Variants in PREX1 observed in about 807,000 individuals in gnomAD.
The protein encoded by PREX1 is phosphatidylinositol-3,4,5-trisphosphate dependent Rac exchange factor 1.
PREX1 carries 41 observed loss-of-function variants against 198.3 expected under a neutral mutation model. The ratio of observed to expected loss-of-function variants is 0.21; its 90% CI spans 0.16 to 0.27. The LOEUF is 0.27. Ranked by LOEUF, PREX1 falls within the 10% of genes least tolerant of loss-of-function variation. The pLI, the probability that PREX1 is intolerant of heterozygous loss-of-function variation, is 1.00. For missense variants in PREX1, 1,620 were observed against 2,200.7 expected, an observed-to-expected ratio of 0.74 and a Z score of 5.28; for synonymous variants, 843 against 887.2, an observed-to-expected ratio of 0.95 and a Z score of 0.89.
intron 1 of PREX1, among the ~76,000 whole-genome samples, chr20:48,806,797 G>A (rs1366524987): frequency 6.6e-6 from 1 of 152,180 alleles, no homozygotes; most frequent in Non-Finnish European, 1.5e-5. Flanking sequence ...CAGCATCAGG[G>A]ATACCAAGGT....
intron 1 of PREX1, among the ~76,000 whole-genome samples, chr20:48,769,909 ACG>A (rs559420179): frequency 1.9e-4 from 29 of 152,252 alleles, no homozygotes; most frequent in African/African-American, 5.1e-4. Context: ...CACTGCACAC[ACG>A]GTGAGGGAGA....
chr20:48,888,116 G>A, the PREX1 span, among the ~76,000 whole-genome samples: 1 of 152,138 alleles, frequency 6.6e-6, no homozygotes, highest in Non-Finnish European at 1.5e-5. Context: ...ACATGTCTGG[G>A]GAATTTCTCA....
chr20:48,839,807 A>T, the PREX1 span, among the ~76,000 whole-genome samples: 17 of 152,198 alleles, frequency 1.1e-4, no homozygotes, highest in South Asian at 1.0e-3. Context: ...CTTATAGCTG[A>T]TAGGGATGAC....
At chr20:48,778,980 G>A (rs915452700) in intron 1 of PREX1, among the ~76,000 whole-genome samples, 1 of 152,100 alleles carries the variant, frequency 6.6e-6, no homozygotes, top group Non-Finnish European at 1.5e-5. Flanking sequence ...ATTAAAAAAA[G>A]CAAGATCCGT....
At chr20:48,783,130 GA>G (rs893291614) in intron 1 of PREX1, among the ~76,000 whole-genome samples, 15 of 152,304 alleles carry the variant, frequency 9.8e-5, no homozygotes, top group East Asian at 5.8e-4. Flanking sequence ...AAATGAAAAA[GA>G]AGGATACATG....
At chr20:48,628,986 T>G (rs1601024729) in intron 37 of PREX1, among the ~76,000 whole-genome samples, 1 of 151,334 alleles carries the variant, frequency 6.6e-6, no homozygotes, top group African/African-American at 2.4e-5. Context: ...GAAGAGAGGG[T>G]TGGGAGGGCA....
intron 1 of PREX1, among the ~76,000 whole-genome samples, chr20:48,823,688 A>C (rs951941518): frequency 6.6e-6 from 1 of 152,200 alleles, no homozygotes; most frequent in African/African-American, 2.4e-5. Context: ...GAGGGCAAGT[A>C]ACAGGAGGAA....
the PREX1 span, among the ~76,000 whole-genome samples, chr20:48,847,234 G>A: frequency 6.6e-6 from 1 of 152,030 alleles, no homozygotes; most frequent in African/African-American, 2.4e-5. Flanking sequence ...GAGTTAAGAT[G>A]AGTTATGCAG....
the PREX1 span, among the ~76,000 whole-genome samples, chr20:48,886,312 G>T: frequency 6.6e-6 from 1 of 152,198 alleles, no homozygotes; most frequent in Non-Finnish European, 1.5e-5. Flanking sequence ...ACACGCAGGT[G>T]CTCTGATGTA....
intron 5 of PREX1, among the ~76,000 whole-genome samples, chr20:48,713,857 T>TAAAAAA (rs71337452): frequency 4.0e-4 from 33 of 81,606 alleles, no homozygotes; most frequent in Non-Finnish European, 6.7e-4. Flanking sequence ...CCCAGAACTA[T>TAAAAAA]AAAAAAAAAA....
intron 6 of PREX1, 26 bp downstream of exon 6, chr20:48,708,234 G>A (rs1444264634): frequency 6.8e-6 from 11 of 1,608,582 alleles, no homozygotes; most frequent in Non-Finnish European, 9.3e-6. Context: ...TGCGGCCCAG[G>A]AAGCCCCCTC....
At chr20:48,803,159 T>C (rs895375280) in intron 1 of PREX1, among the ~76,000 whole-genome samples, 1 of 152,300 alleles carries the variant, frequency 6.6e-6, no homozygotes, top group Middle Eastern at 3.4e-3. Flanking sequence ...ATAGCAGGCA[T>C]GGCTGGTTCA....
chr20:48,806,603 C>T (rs1009368008), intron 1 of PREX1, among the ~76,000 whole-genome samples: 3 of 152,134 alleles, frequency 2.0e-5, no homozygotes, highest in African/African-American at 7.2e-5. Context: ...TTATTAAGGA[C>T]AAAACTAAGG....
At chr20:48,869,486 C>T in the PREX1 span, among the ~76,000 whole-genome samples, 6 of 147,954 alleles carry the variant, frequency 4.1e-5, no homozygotes, top group African/African-American at 1.6e-4. Context: ...TTTGATTTAA[C>T]CCACCCCCAT....
intron 1 of PREX1, among the ~76,000 whole-genome samples, chr20:48,808,290 C>T (rs144893378): frequency 2.0e-4 from 31 of 152,244 alleles, no homozygotes; most frequent in African/African-American, 6.7e-4. Flanking sequence ...CCAGGCACTC[C>T]GGGAGCACTT....
At chr20:48,802,137 A>C (rs879850457) in intron 1 of PREX1, among the ~76,000 whole-genome samples, 15 of 152,032 alleles carry the variant, frequency 9.9e-5, no homozygotes, top group Non-Finnish European at 1.8e-4. Flanking sequence ...CACACACCCC[A>C]TCCCCACCCC....
chr20:48,630,616 C>T (rs1032074895), intron 36 of PREX1, 112 bp downstream of exon 36: 1 of 931,208 alleles, frequency 1.1e-6, no homozygotes, highest in Non-Finnish European at 1.6e-6. Flanking sequence ...GTCTCAAGGG[C>T]TTTGGGGCTA....
At chr20:48,797,347 C>A (rs1447308126) in intron 1 of PREX1, among the ~76,000 whole-genome samples, 1 of 150,312 alleles carries the variant, frequency 6.7e-6, no homozygotes, top group Non-Finnish European at 1.5e-5. Context: ...CCCCCCAGAC[C>A]CCCCCCAGGA....
the PREX1 span, among the ~76,000 whole-genome samples, chr20:48,860,363 G>C: frequency 6.6e-6 from 1 of 152,232 alleles, no homozygotes; most frequent in Admixed American, 6.5e-5. Context: ...GCAGTTGCCA[G>C]GGGCAGAAGG....
Sources: gnomAD v4.1 joint callset for allele counts (sites outside exome capture counted in the v4.1 genomes callset) on GRCh38, gnomAD v4.1.1 for gene constraint, MANE v1.5 for transcripts, NCBI Gene and HGNC (gene_info 2026-07-23, HGNC 2026-07-21) for gene names.